NAA35: variants seen among roughly 807,000 people sequenced by gnomAD.
NAA35 encodes MAK10 homolog, amino-acid N-acetyltransferase subunit.
In NAA35, 18 loss-of-function variants were observed where a neutral mutation model predicts 101.7. The ratio of observed to expected loss-of-function variants is 0.18; its 90% confidence interval spans 0.12 to 0.26. The LOEUF (loss-of-function observed/expected upper bound fraction) is 0.26, where lower values mean the gene tolerates loss of function less well. Ranked by LOEUF, NAA35 falls within the 10% of genes least tolerant of loss-of-function variation. The pLI is 1.00. For missense variants in NAA35, 601 were observed against 886.8 expected (o/e 0.68, Z 4.09); for synonymous variants, 267 against 273.1 (o/e 0.98, Z 0.22).
At chr9:85,950,200 C>A (rs1418825977) in intron 2 of NAA35, among the ~76,000 whole-genome samples, 2 of 152,102 alleles carry the variant, frequency 1.3e-5, no homozygotes, top group Non-Finnish European at 2.9e-5. Flanking sequence ...TGAGTAAATT[C>A]TTAAGTTTAC....
Position 86,011,449 on chromosome 9 carries a change from C to A in NAA35, c.1290+1518C>A, listed in dbSNP as rs190888508. 5.2e-3 allele frequency among the ~76,000 whole-genome samples: 786 copies of A among 151,050 alleles called. 4 individuals carry two copies. Among genetic ancestry groups the A allele is most frequent in the African/African-American group, 0.018 (746 of 41,286 alleles). On this transcript the variant is annotated intron_variant, in intron 15 of 22. Transcript: ENST00000361671. ...TCTTGGCTCACTGCAACCTCTACCC[C>A]CTGGGTTCAAGCAATCCTCCCACCT...
intron 6 of NAA35, among the ~76,000 whole-genome samples, chr9:85,971,433 C>T (rs1829994183): frequency 3.9e-5 from 6 of 152,152 alleles, no homozygotes; most frequent in Admixed American, 3.9e-4. Context: ...GTGCTTACGT[C>T]TCTAATTGCT....
At chr9:85,947,778 A>T (rs1828834185) in intron 2 of NAA35, among the ~76,000 whole-genome samples, 1 of 152,084 alleles carries the variant, frequency 6.6e-6, no homozygotes, top group African/African-American at 2.4e-5. Context: ...CTGCATTTAG[A>T]TTACTTTCAA....
chr9:85,966,833 G>A (rs540838697), intron 6 of NAA35, among the ~76,000 whole-genome samples: 4 of 152,304 alleles, frequency 2.6e-5, no homozygotes, highest in South Asian at 4.1e-4. Flanking sequence ...TAGGCCGGGC[G>A]CTGTGGCTCA....
At chr9:86,013,386 GAT>G (rs1193651156) in intron 16 of NAA35, among the ~76,000 whole-genome samples, 3 of 152,116 alleles carry the variant, frequency 2.0e-5, no homozygotes, top group Non-Finnish European at 4.4e-5. Flanking sequence ...TGTATAAAAT[GAT>G]AGTTTTACAA....
intron 13 of NAA35, among the ~76,000 whole-genome samples, chr9:86,005,140 T>C (rs1044647265): frequency 3.3e-5 from 5 of 152,038 alleles, no homozygotes; most frequent in Non-Finnish European, 7.4e-5. Context: ...TTCAACAATA[T>C]ATAAAAAGAG....
At chr9:86,006,949 CAT>C (rs1481520631) in intron 13 of NAA35, among the ~76,000 whole-genome samples, 3 of 151,690 alleles carry the variant, frequency 2.0e-5, no homozygotes, top group African/African-American at 7.3e-5. Context: ...CAGAAATGAA[CAT>C]AAAAAATATT....
intron 2 of NAA35, 98 bp downstream of exon 2, chr9:85,942,381 A>G: frequency 6.6e-7 from 1 of 1,505,262 alleles, no homozygotes; most frequent in Non-Finnish European, 8.9e-7. Context: ...TCAACAGGTA[A>G]ATGTGGTTTG....
At chr9:85,967,596 A>C (rs139485329) in intron 6 of NAA35, among the ~76,000 whole-genome samples, 2,435 of 152,108 alleles carry the variant, frequency 0.016, 59 homozygotes, top group African/African-American at 0.053. Context: ...AGGTCAGGAG[A>C]TCGAGACCAT....
intron 2 of NAA35, among the ~76,000 whole-genome samples, chr9:85,954,811 G>A (rs1205526347): frequency 6.6e-6 from 1 of 152,132 alleles, no homozygotes; most frequent in Non-Finnish European, 1.5e-5. Flanking sequence ...GAATGTTTTG[G>A]TATGATTATC....
chr9:86,023,563 A>T lies in NAA35; in HGVS notation c.*1603A>T, dbSNP rs996780009. ...AGTGGCCAAGATACAAAGTATAAAA[A>T]ATATGTCCCCCTTAAAAGCAAAAAA... is the stretch of plus-strand genomic sequence containing the variant. On this transcript the variant is annotated 3_prime_UTR_variant, in exon 23 of 23. Coordinates refer to ENST00000361671, the MANE Select transcript of NAA35 (RefSeq NM_024635.4). Among the ~76,000 whole-genome samples, 1 of 152,208 alleles carries T rather than the reference A, an allele frequency of 6.6e-6. No homozygotes were observed. Among genetic ancestry groups the T allele is most frequent in the African/African-American group, 2.4e-5 (1 of 41,458 alleles).
intron 11 of NAA35, among the ~76,000 whole-genome samples, chr9:85,993,605 T>G (rs567210270): frequency 6.6e-6 from 1 of 152,334 alleles, no homozygotes; most frequent in South Asian, 2.1e-4. Flanking sequence ...GTTACATGGT[T>G]GTACATATTT....
At chr9:85,992,607 A>G (rs1830966161) in intron 11 of NAA35, among the ~76,000 whole-genome samples, 1 of 152,220 alleles carries the variant, frequency 6.6e-6, no homozygotes, top group Non-Finnish European at 1.5e-5. Flanking sequence ...ATCATGAGGA[A>G]GCAAGACAAT....
At position 85,957,494 on chromosome 9, in the gene NAA35, G is replaced by T. The variant is rs1829329146; in HGVS notation, c.159-978G>T. Among the ~76,000 whole-genome samples, 4 of 152,070 alleles carry T rather than the reference G, an allele frequency of 2.6e-5. No individual in the cohort carries two copies. In the South Asian group the frequency reaches 8.3e-4, roughly 32 times the overall value. On this transcript the variant is annotated intron_variant, in intron 3 of 22. Coordinates refer to ENST00000361671, the MANE Select transcript of NAA35 (RefSeq NM_024635.4). Reference sequence around the variant, plus strand: ...GGGAGAGCAAGAACTCACCTCCCTGGGAGGGCATTAATCTATTCATGGGGA... The same window carrying T: ...GGGAGAGCAAGAACTCACCTCCCTGTGAGGGCATTAATCTATTCATGGGGA...
intron 9 of NAA35, among the ~76,000 whole-genome samples, chr9:85,977,001 A>G (rs1033343378): frequency 7.2e-5 from 11 of 152,146 alleles, no homozygotes; most frequent in African/African-American, 2.7e-4. Flanking sequence ...CCAGAGCGCC[A>G]CAGTATCAAA....
rs762114011 is a variant in NAA35 at position 85,978,281 on chromosome 9, A to G, written c.777A>G (p.Ala259=). The G allele has an allele frequency of 1.5e-5, 24 of 1,611,198 alleles. No individual in the cohort carries two copies. Among genetic ancestry groups the G allele is most frequent in the South Asian group, 8.8e-5 (8 of 91,004 alleles). The part of the protein sequence containing the change: ...AFTKKETSAV[A]EAQKLMVQAA... ...TTATTTGCTAGACCAGTGCTGTTGCAGAAGCTCAAAAATTGATGGTTCAAG... is the reference window on the plus strand; with the variant it reads ...TTATTTGCTAGACCAGTGCTGTTGCGGAAGCTCAAAAATTGATGGTTCAAG... The change falls in exon 11 of 23, where the codon GCA becomes GCG. Residue 259 remains alanine (A), a synonymous_variant. Coordinates refer to ENST00000361671, the MANE Select transcript of NAA35 (RefSeq NM_024635.4).
In NAA35 at chr9:85,996,568, T is replaced by C. The variant is rs1488255517; in HGVS notation, c.1047T>C (p.His349=). 2.7e-5 allele frequency: 42 copies of C among 1,574,492 alleles called. No individual in the cohort carries two copies. Among genetic ancestry groups the C allele is most frequent in the Non-Finnish European group, 3.5e-5 (41 of 1,167,132 alleles). The change falls in exon 12 of 23, where the codon CAT becomes CAC. Residue 349 remains histidine (H), a synonymous_variant. Transcript: ENST00000361671. The stretch of plus-strand genomic sequence containing the variant: ...AGGTTGTGAATTTAACAAATTTACA[T>C]TGTATCCTGGTAAGTACAAATCTCT... ...VCEVVNLTNL[H]CILDFFCEFS...
chr9:85,941,370 T>C (rs1828503793), intron 1 of NAA35, 97 bp downstream of exon 1: 3 of 985,476 alleles, frequency 3.0e-6, no homozygotes. Flanking sequence ...GGACCCCAGG[T>C]CACCCTGCGG....
chr9:85,944,631 GA>G (rs1442000001), intron 2 of NAA35, among the ~76,000 whole-genome samples: 1 of 152,216 alleles, frequency 6.6e-6, no homozygotes, highest in Non-Finnish European at 1.5e-5. Context: ...TTCCTTCCCA[GA>G]TCTTATGGGT....
Sources: gnomAD v4.1 joint callset for allele counts (sites outside exome capture counted in the v4.1 genomes callset) on GRCh38, gnomAD v4.1.1 for gene constraint, MANE v1.5 for transcripts, NCBI Gene and HGNC (gene_info 2026-07-23, HGNC 2026-07-21) for gene names.